Variants in CCDC97 observed in about 807,000 individuals in gnomAD.
CCDC97 encodes the protein coiled-coil domain containing 97.
In CCDC97, 27 loss-of-function variants were observed where a neutral mutation model predicts 33.9. That is an observed-to-expected ratio of 0.80 (90% confidence interval 0.59 to 1.10). CCDC97 has a LOEUF of 1.10. Among genes scored for constraint, CCDC97 ranks in the 50% least tolerant of loss-of-function variants. The pLI is 0.00. For missense variants in CCDC97, 422 were observed against 476.6 expected (o/e 0.89, Z 1.07); for synonymous variants, 217 against 194.0 (o/e 1.12, Z -0.99).
intron 2 of CCDC97, among the ~76,000 whole-genome samples, chr19:41,319,066 A>G (rs2037783468): frequency 6.6e-6 from 1 of 152,210 alleles, no homozygotes; most frequent in East Asian, 1.9e-4. Context: ...GTGTGTGTAC[A>G]TAGGCCATGT....
chr19:41,322,778 C>A lies in CCDC97; in HGVS notation c.*63C>A. The A allele has an allele frequency of 6.3e-7, 1 of 1,576,208 alleles. No individual in the cohort carries two copies. ...CCCCAACAAGGCAGCTGATTCCAGG[C>A]CTGCTCAGTGACCCTTTCTCTAGGG... On this transcript the variant is annotated 3_prime_UTR_variant, in exon 5 of 5. Transcript: ENST00000269967.
intron 3 of CCDC97, among the ~76,000 whole-genome samples, chr19:41,320,103 C>T (rs1372603625): frequency 6.6e-6 from 1 of 152,190 alleles, no homozygotes; most frequent in Non-Finnish European, 1.5e-5. Context: ...AATGCCTCTC[C>T]TCCCACCCTT....
At chr19:41,322,485 C>T (rs2037833992) in intron 4 of CCDC97, 110 bp from the exon 5 acceptor site, 2 of 1,238,680 alleles carry the variant, frequency 1.6e-6, no homozygotes, top group Non-Finnish European at 2.3e-6. Flanking sequence ...AGGGTCAGCT[C>T]TGACGGCTGC....
At chr19:41,311,864 A>G (rs1314474744) in intron 1 of CCDC97, among the ~76,000 whole-genome samples, 1 of 152,104 alleles carries the variant, frequency 6.6e-6, no homozygotes, top group Admixed American at 6.6e-5. Context: ...GCACTATTGC[A>G]TTGCAGTCTG....
At chr19:41,318,040 CAG>C (rs1236694482) in intron 2 of CCDC97, among the ~76,000 whole-genome samples, 3 of 146,042 alleles carry the variant, frequency 2.1e-5, no homozygotes, top group African/African-American at 7.6e-5. Flanking sequence ...GGGTAGGTGA[CAG>C]AAACTGAAAA....
intron 1 of CCDC97, 147 bp downstream of exon 1, chr19:41,310,503 G>T: frequency 3.4e-6 from 5 of 1,466,318 alleles, no homozygotes; most frequent in Non-Finnish European, 4.5e-6. Flanking sequence ...ACTTTGCCCA[G>T]ATTATTCCCT....
intron 2 of CCDC97, 63 bp from the exon 3 acceptor site, chr19:41,319,511 C>T: frequency 1.7e-6 from 2 of 1,183,442 alleles, no homozygotes; most frequent in Non-Finnish European, 2.4e-6. Flanking sequence ...CACACACATA[C>T]CCACATGGAC....
At chr19:41,315,670 G>A (rs1340658893) in intron 1 of CCDC97, among the ~76,000 whole-genome samples, 1 of 151,796 alleles carries the variant, frequency 6.6e-6, no homozygotes, top group East Asian at 1.9e-4. Flanking sequence ...CATGCCTGTA[G>A]TCCTGGCTGC....
intron 3 of CCDC97, 27 bp downstream of exon 3, chr19:41,319,879 A>G: frequency 9.0e-7 from 1 of 1,117,036 alleles, no homozygotes; most frequent in Non-Finnish European, 1.3e-6. Context: ...GGAAGACCCC[A>G]GATTCCAGAC....
At position 41,316,826 on chromosome 19, in the gene CCDC97, A is replaced by C; in HGVS notation, c.489A>C (p.Arg163=). 14 of 1,586,770 alleles carry C rather than the reference A, an allele frequency of 8.8e-6. No homozygotes were observed. Among genetic ancestry groups the C allele is most frequent in the Non-Finnish European group, 1.2e-5 (14 of 1,159,508 alleles). Residue 163 remains arginine, a synonymous_variant, in exon 2 of 5, where the codon CGA becomes CGC. Coordinates refer to ENST00000269967, the MANE Select transcript of CCDC97 (RefSeq NM_052848.3). ...RLRNRRYAAL[R]ELIQGGEYFS... ...GTAACCGGCGCTATGCTGCCCTGCG[A>C]GAGCTGATCCAAGGTGTGGGGGCCA...
At chr19:41,318,101 T>C (rs756237489) in intron 2 of CCDC97, among the ~76,000 whole-genome samples, 1 of 150,026 alleles carries the variant, frequency 6.7e-6, no homozygotes, top group Non-Finnish European at 1.5e-5. Flanking sequence ...TGGAGAGAGA[T>C]CCAGAGCCGG....
intron 3 of CCDC97, 72 bp from the exon 4 acceptor site, chr19:41,320,269 C>A: frequency 6.3e-7 from 1 of 1,586,816 alleles, no homozygotes. Context: ...AGCAGCAGCT[C>A]TCTGTGGACT....
At chr19:41,320,303 G>A in intron 3 of CCDC97, 38 bp from the exon 4 acceptor site, 3 of 1,611,404 alleles carry the variant, frequency 1.9e-6, no homozygotes, top group Non-Finnish European at 2.5e-6. Flanking sequence ...CTGCCCGAGT[G>A]CACCCGCATT....
At chr19:41,310,739 T>C in intron 1 of CCDC97, 1 of 1,060,310 alleles carries the variant, frequency 9.4e-7, no homozygotes, top group Non-Finnish European at 1.1e-6. Context: ...CCTTGCTCTC[T>C]AGACGAATCC....
At position 41,321,815 on chromosome 19, in the gene CCDC97, CTGAG is replaced by C. The variant is rs371415217; in HGVS notation, c.912-777_912-774del. ...GGGGTCGCAAGGGGGTAGGAGATCT[CTGAG>C]TGGCCAAATCAAGCTAGGCTTGGCA... On this transcript the variant is annotated intron_variant, in intron 4 of 4. Coordinates refer to ENST00000269967, the MANE Select transcript of CCDC97 (RefSeq NM_052848.3). Among the ~76,000 whole-genome samples, 292 of 152,314 alleles carry C rather than the reference CTGAG, an allele frequency of 1.9e-3. 2 individuals are homozygous for C. Among genetic ancestry groups the C allele is most frequent in the African/African-American group, 6.7e-3 (278 of 41,566 alleles).
intron 1 of CCDC97, among the ~76,000 whole-genome samples, chr19:41,314,453 G>A (rs1450630522): frequency 6.6e-6 from 1 of 152,170 alleles, no homozygotes; most frequent in African/African-American, 2.4e-5. Context: ...AAGATTTAGA[G>A]TTATTAAAGA....
intron 2 of CCDC97, among the ~76,000 whole-genome samples, chr19:41,318,407 G>A (rs1441556083): frequency 1.3e-5 from 2 of 152,096 alleles, no homozygotes; most frequent in East Asian, 1.9e-4. Context: ...AGAGTTAATC[G>A]AGATCACACC....
chr19:41,322,855 C>G lies in CCDC97; in HGVS notation c.*140C>G, dbSNP rs3810173. ...CACACACACCACCATCTCACTGGGT[C>G]TAGTCTCATCTCAGACAACCCCCAC... On this transcript the variant is annotated 3_prime_UTR_variant, in exon 5 of 5. Transcript: ENST00000269967. The G allele has an allele frequency of 0.024, 22,558 of 925,738 alleles. 1,562 individuals are homozygous for G. The highest frequency in any genetic ancestry group is 0.19 in the African/African-American group (11,529 of 59,546). The allele number at this position is 925,738 out of a possible 1,614,324, so 57.3% of individuals were successfully genotyped here. A position where few individuals can be genotyped will look rare whatever the true frequency, so the allele number is the denominator to read the frequency against.
Position 41,310,800 on chromosome 19 carries a change from A to G in CCDC97, c.46+444A>G, listed in dbSNP as rs192784718. The G allele has an allele frequency of 1.6e-5, 16 of 997,446 alleles. No individual in the cohort carries two copies. In the East Asian group the frequency reaches 1.5e-3, roughly 93 times the overall value. 61.8% of individuals were successfully genotyped at this position (997,446 alleles called of 1,614,324 possible). A position where few individuals can be genotyped will look rare whatever the true frequency, so the allele number is the denominator to read the frequency against. ...ACCTGCCTCATGCAAACTTATCCCA[A>G]TCTAACGATTCCTTCATTTCATTGT... is the stretch of plus-strand genomic sequence containing the variant. On this transcript the variant is annotated intron_variant, in intron 1 of 4. Transcript: ENST00000269967.
Sources: allele counts gnomAD v4.1 joint callset (sites outside exome capture counted in the v4.1 genomes callset), GRCh38; gene constraint gnomAD v4.1.1; transcripts MANE v1.5; gene names NCBI Gene and HGNC (gene_info 2026-07-23, HGNC 2026-07-21).